Variants in KPNA4 observed in about 807,000 individuals in gnomAD.
The protein encoded by KPNA4 is importin subunit alpha-3.
A neutral mutation model predicts 71.3 loss-of-function variants in KPNA4; 13 were observed. The observed-to-expected ratio is 0.18, with a 90% CI of 0.12 to 0.29. KPNA4 has a LOEUF of 0.29. Among genes scored for constraint, KPNA4 ranks in the 10% least tolerant of loss-of-function variants. The pLI, the probability that KPNA4 is intolerant of heterozygous loss-of-function variation, is 1.00. For synonymous variants in KPNA4, 189 were observed against 195.2 expected (o/e 0.97, Z 0.26); for missense variants, 334 against 603.2 (o/e 0.55, Z 4.67).
intron 1 of KPNA4, among the ~76,000 whole-genome samples, chr3:160,551,217 T>C (rs1451483135): frequency 6.6e-6 from 1 of 152,244 alleles, no homozygotes; most frequent in Non-Finnish European, 1.5e-5. Flanking sequence ...TTATGTGTTT[T>C]AGGAATTTAT....
At chr3:160,537,319 A>T (rs1721710235) in intron 1 of KPNA4, among the ~76,000 whole-genome samples, 1 of 151,318 alleles carries the variant, frequency 6.6e-6, no homozygotes. Context: ...TGATTCTGAC[A>T]CGTCTATCTA....
Position 160,565,322 on chromosome 3 carries a change from G to A in KPNA4, c.-40C>T. Reference sequence around the variant, plus strand: ...CTCCTTCCCCCGCCCGGGCCCCGCGGGATCCGCCCCAACCAACGCGCCGCA... The same window carrying A: ...CTCCTTCCCCCGCCCGGGCCCCGCGAGATCCGCCCCAACCAACGCGCCGCA... On this transcript the variant is annotated 5_prime_UTR_variant, in exon 1 of 17. Coordinates refer to ENST00000334256, the MANE Select transcript of KPNA4 (RefSeq NM_002268.5). The A allele has an allele frequency of 6.5e-7, 1 of 1,527,496 alleles. No homozygotes were observed. The highest frequency in any genetic ancestry group is 8.9e-7 in the Non-Finnish European group (1 of 1,123,512). 94.6% of individuals were successfully genotyped at this position (1,527,496 alleles called of 1,614,324 possible).
At chr3:160,541,627 G>A (rs948332405) in intron 1 of KPNA4, among the ~76,000 whole-genome samples, 3 of 146,184 alleles carry the variant, frequency 2.1e-5, no homozygotes, top group Non-Finnish European at 3.0e-5. Flanking sequence ...GTAATAAAGC[G>A]GTTTTTAAAA....
At chr3:160,514,842 T>G (rs1165316023) in intron 12 of KPNA4, 2 of 430,312 alleles carry the variant, frequency 4.6e-6, no homozygotes. Context: ...CGCGTTATAA[T>G]CATAGATAAC....
chr3:160,537,772 G>C (rs1360542089), intron 1 of KPNA4, among the ~76,000 whole-genome samples: 3 of 151,598 alleles, frequency 2.0e-5, no homozygotes, highest in African/African-American at 7.3e-5. Context: ...AGCCATCCTT[G>C]ATTATTTTTC....
chr3:160,539,686 G>A (rs565487699), intron 1 of KPNA4, among the ~76,000 whole-genome samples: 93 of 152,252 alleles, frequency 6.1e-4, no homozygotes, highest in African/African-American at 2.1e-3. Flanking sequence ...CTATGTCTCA[G>A]GCACAGAAAA....
intron 15 of KPNA4, among the ~76,000 whole-genome samples, chr3:160,507,080 A>AT (rs144296141): frequency 0.023 from 3,569 of 152,278 alleles, 126 homozygotes; most frequent in African/African-American, 0.081. Context: ...TTCTGTCTAT[A>AT]TATTAACTCT....
chr3:160,515,408 A>C (rs751570529), intron 12 of KPNA4, 44 bp downstream of exon 12: 2 of 1,491,466 alleles, frequency 1.3e-6, no homozygotes, highest in Non-Finnish European at 1.8e-6. Context: ...GAAACTGTTA[A>C]CATTTTAAGT....
Position 160,565,204 on chromosome 3 carries a change from C to T in KPNA4, c.69+10G>A. On this transcript the variant is annotated intron_variant, in intron 1 of 16. Coordinates refer to ENST00000334256, the MANE Select transcript of KPNA4 (RefSeq NM_002268.5). The stretch of plus-strand genomic sequence containing the variant: ...AGCCCCCACCCCTCCGGCGTCGTCC[C>T]CGAGTTTACCTCCAAGTCGCGGCCT... 1 of 1,604,818 alleles carries T rather than the reference C, an allele frequency of 6.2e-7. No homozygotes were observed.
At chr3:160,516,009 C>A (rs374596478) in intron 11 of KPNA4, among the ~76,000 whole-genome samples, 1 of 152,094 alleles carries the variant, frequency 6.6e-6, no homozygotes. Flanking sequence ...TTTTTTGAGA[C>A]GGAGTCTCAC....
At chr3:160,546,070 A>ATGTAGTCCCAGCTACTC (rs1553787801) in intron 1 of KPNA4, among the ~76,000 whole-genome samples, 1 of 152,180 alleles carries the variant, frequency 6.6e-6, no homozygotes. Flanking sequence ...AAAGAGGCTG[A>ATGTAGTCCCAGCTACTC]GACTAAAAAT....
intron 15 of KPNA4, among the ~76,000 whole-genome samples, chr3:160,505,340 T>C (rs1720963479): frequency 6.6e-6 from 1 of 152,144 alleles, no homozygotes; most frequent in Non-Finnish European, 1.5e-5. Flanking sequence ...TAACCAATGT[T>C]TATAACCAGC....
rs1312523603 is a variant in KPNA4, at chr3:160,526,122, G to C, written c.557-15C>G. On this transcript the variant is annotated splice_polypyrimidine_tract_variant and intron_variant, in intron 8 of 16. Transcript: ENST00000334256. ...GGGCCCATCACCTGTAGAAAAAAAG[G>C]ATTAATTTACTCAATAAAACATACT... The C allele has an allele frequency of 6.7e-7, 1 of 1,494,666 alleles. No homozygotes were observed. The highest frequency in any genetic ancestry group is 2.4e-5 in the Admixed American group (1 of 42,090). The allele number at this position is 1,494,666 out of a possible 1,614,324, so 92.6% of individuals were successfully genotyped here. A position where few individuals can be genotyped will look rare whatever the true frequency, so the allele number is the denominator to read the frequency against.
At chr3:160,542,534 C>T (rs1164437962) in intron 1 of KPNA4, among the ~76,000 whole-genome samples, 1 of 152,076 alleles carries the variant, frequency 6.6e-6, no homozygotes, top group African/African-American at 2.4e-5. Context: ...ATTAATATCT[C>T]CTAAGGATAA....
chr3:160,515,489 G>A lies in KPNA4; in HGVS notation c.995C>T (p.Pro332Leu). Residue 332 changes from proline to leucine, a missense_variant, in exon 12 of 17, where the codon CCA becomes CTA. Pro to Leu is a moderately conservative substitution (Grantham distance 98, BLOSUM62 -3). Coordinates refer to ENST00000334256, the MANE Select transcript of KPNA4 (RefSeq NM_002268.5). ...CTCTTTGGGATGTGTCAGGAGTGCT[G>A]GGAAGTGTGAAAGAGCATCACAGTT... ...VLNCDALSHF[P>L]ALLTHPKEKI... 1 of 1,613,838 alleles carries A rather than the reference G, an allele frequency of 6.2e-7. No homozygotes were observed. Among genetic ancestry groups the A allele is most frequent in the Non-Finnish European group, 8.5e-7 (1 of 1,179,804 alleles).
At chr3:160,542,618 GATTT>G (rs886385917) in intron 1 of KPNA4, among the ~76,000 whole-genome samples, 11 of 152,114 alleles carry the variant, frequency 7.2e-5, no homozygotes, top group South Asian at 2.1e-4. Context: ...TCAATCTGTA[GATTT>G]ATTTCTCACA....
intron 10 of KPNA4, among the ~76,000 whole-genome samples, chr3:160,525,142 T>C (rs192389626): frequency 6.6e-6 from 1 of 152,308 alleles, no homozygotes; most frequent in African/African-American, 2.4e-5. Flanking sequence ...TCTGTGTTAG[T>C]AAAAATAAGC....
chr3:160,534,960 G>A (rs1031358382), intron 5 of KPNA4, among the ~76,000 whole-genome samples: 17 of 151,802 alleles, frequency 1.1e-4, no homozygotes, highest in Non-Finnish European at 2.2e-4. Context: ...CTGACCTCAC[G>A]ATCCGCCCAC....
intron 1 of KPNA4, among the ~76,000 whole-genome samples, chr3:160,543,553 G>A (rs554045937): frequency 6.6e-6 from 1 of 152,142 alleles, no homozygotes; most frequent in South Asian, 2.1e-4. Context: ...GGCTAGTCTC[G>A]AACTCCTGAC....
Sources: gnomAD v4.1 joint callset for allele counts (sites outside exome capture counted in the v4.1 genomes callset) on GRCh38, gnomAD v4.1.1 for gene constraint, MANE v1.5 for transcripts, NCBI Gene and HGNC (gene_info 2026-07-23, HGNC 2026-07-21) for gene names.